PPP2R2B: variants seen among roughly 807,000 people sequenced by gnomAD.
The protein encoded by PPP2R2B is serine/threonine-protein phosphatase 2A 55 kDa regulatory subunit B beta isoform.
A neutral mutation model predicts 46.0 loss-of-function variants in PPP2R2B; 5 were observed. The observed-to-expected ratio is 0.11, with a 90% CI of 0.06 to 0.23. The LOEUF is 0.23. Ranked by LOEUF, PPP2R2B falls within the 10% of genes least tolerant of loss-of-function variation. The pLI, the probability that PPP2R2B is intolerant of heterozygous loss-of-function variation, is 1.00. For synonymous variants in PPP2R2B, 215 were observed against 206.7 expected (o/e 1.04, Z -0.34); for missense variants, 367 against 575.0 (o/e 0.64, Z 3.70).
chr5:146,933,676 G>GT (rs540249303), intron 1 of PPP2R2B, among the ~76,000 whole-genome samples: 49 of 147,564 alleles, frequency 3.3e-4, no homozygotes, highest in South Asian at 1.1e-3. Context: ...TTTTTTTTAA[G>GT]TTTTTTTTTT....
At chr5:146,884,816 C>T (rs1582356802) in intron 1 of PPP2R2B, among the ~76,000 whole-genome samples, 1 of 152,070 alleles carries the variant, frequency 6.6e-6, no homozygotes, top group African/African-American at 2.4e-5. Flanking sequence ...TATACTAGTA[C>T]CTGACTACAT....
rs190857255 is a variant in PPP2R2B at position 146,929,131 on chromosome 5, C to T, written c.79+126534G>A. ...CCTATCCTTCCCATCTGTGTGTCCC[C>T]ACTGCCCGCCTACCTCTCTCTTCTT... On this transcript the variant is annotated intron_variant, in intron 1 of 8. Transcript: ENST00000336640. Among the ~76,000 whole-genome samples, 709 of 152,300 alleles carry T rather than the reference C, an allele frequency of 4.7e-3. 13 individuals are homozygous for T. In the South Asian group the frequency reaches 0.051, roughly 11 times the overall value.
At chr5:146,675,835 T>A (rs1777674830) in intron 5 of PPP2R2B, among the ~76,000 whole-genome samples, 1 of 151,764 alleles carries the variant, frequency 6.6e-6, no homozygotes. Context: ...TCTCTCTCTC[T>A]CTGGCCCACT....
chr5:146,692,217 ATAT>A (rs1243065255), intron 4 of PPP2R2B, among the ~76,000 whole-genome samples: 1 of 152,228 alleles, frequency 6.6e-6, no homozygotes, highest in Non-Finnish European at 1.5e-5. Context: ...TGCATAGTAC[ATAT>A]TTCTAGCAAT....
chr5:146,644,683 C>A (rs1282712869), intron 6 of PPP2R2B, among the ~76,000 whole-genome samples: 1 of 152,144 alleles, frequency 6.6e-6, no homozygotes, highest in Non-Finnish European at 1.5e-5. Context: ...TTGGGAAAGT[C>A]ATTTTATCTC....
At chr5:146,812,942 T>C (rs1351329043) in intron 2 of PPP2R2B, among the ~76,000 whole-genome samples, 3 of 147,326 alleles carry the variant, frequency 2.0e-5, no homozygotes, top group African/African-American at 7.5e-5. Context: ...TGGGTCCCTC[T>C]CACAACAGGA....
chr5:146,996,306 C>T (rs981308263), intron 1 of PPP2R2B, among the ~76,000 whole-genome samples: 2 of 152,106 alleles, frequency 1.3e-5, no homozygotes, highest in Non-Finnish European at 2.9e-5. Flanking sequence ...AAGAGGAAGT[C>T]ATTATGGGGC....
chr5:147,080,471 A>T (rs1422727326), intron 2 of PPP2R2B, among the ~76,000 whole-genome samples: 1 of 152,164 alleles, frequency 6.6e-6, no homozygotes, highest in Non-Finnish European at 1.5e-5. Context: ...AGAGTCATGG[A>T]GGTCTCCAAG....
intron 4 of PPP2R2B, among the ~76,000 whole-genome samples, chr5:146,695,816 T>C (rs1343980399): frequency 1.3e-5 from 2 of 152,174 alleles, no homozygotes; most frequent in Non-Finnish European, 2.9e-5. Context: ...TCCAATTGTC[T>C]TCCATTAACT....
chr5:146,809,000 C>CGT (rs1757367517), intron 2 of PPP2R2B, among the ~76,000 whole-genome samples: 1 of 145,706 alleles, frequency 6.9e-6, no homozygotes, highest in African/African-American at 2.6e-5. Context: ...TGTGTGCGCG[C>CGT]GCACCCACTT....
At chr5:146,906,542 G>A (rs148697450) in intron 1 of PPP2R2B, among the ~76,000 whole-genome samples, 51 of 152,210 alleles carry the variant, frequency 3.4e-4, no homozygotes, top group Admixed American at 1.0e-3. Context: ...GACTGATCTC[G>A]AACTCCCGAT....
chr5:146,646,634 A>G (rs1003894780), intron 6 of PPP2R2B, among the ~76,000 whole-genome samples: 1 of 152,202 alleles, frequency 6.6e-6, no homozygotes, highest in African/African-American at 2.4e-5. Flanking sequence ...TTTAGTAACT[A>G]GGGGGCAGCA....
chr5:146,946,206 T>C (rs1273393052), intron 1 of PPP2R2B, among the ~76,000 whole-genome samples: 3 of 152,076 alleles, frequency 2.0e-5, no homozygotes, highest in Non-Finnish European at 4.4e-5. Flanking sequence ...CAACTACCCC[T>C]GTGCACACTT....
At chr5:147,053,713 A>G (rs1158941092) in intron 1 of PPP2R2B, among the ~76,000 whole-genome samples, 1 of 152,214 alleles carries the variant, frequency 6.6e-6, no homozygotes, top group Admixed American at 6.5e-5. Context: ...TTCAATATCT[A>G]AGAAAACACG....
intron 1 of PPP2R2B, among the ~76,000 whole-genome samples, chr5:146,906,486 C>A (rs994632372): frequency 6.6e-6 from 1 of 152,128 alleles, no homozygotes; most frequent in Non-Finnish European, 1.5e-5. Context: ...CCACGCCCAG[C>A]TAATTTTGCA....
At chr5:146,595,817 T>C (rs1771115847) in intron 8 of PPP2R2B, among the ~76,000 whole-genome samples, 1 of 152,248 alleles carries the variant, frequency 6.6e-6, no homozygotes, top group Non-Finnish European at 1.5e-5. Context: ...ATGTTCTTTC[T>C]TCATGTTCCT....
intron 5 of PPP2R2B, among the ~76,000 whole-genome samples, chr5:146,655,829 G>A (rs1041195245): frequency 6.7e-6 from 1 of 148,252 alleles, no homozygotes; most frequent in Non-Finnish European, 1.5e-5. Flanking sequence ...GGATCCCAAG[G>A]CAGACCTCAG....
intron 2 of PPP2R2B, among the ~76,000 whole-genome samples, chr5:146,708,172 A>G (rs1162598252): frequency 6.6e-6 from 1 of 152,018 alleles, no homozygotes; most frequent in East Asian, 1.9e-4. Flanking sequence ...GCTGGGCAGC[A>G]TGGTGAAACA....
At chr5:146,929,695 A>G (rs1763903570) in intron 1 of PPP2R2B, among the ~76,000 whole-genome samples, 1 of 152,176 alleles carries the variant, frequency 6.6e-6, no homozygotes, top group Admixed American at 6.5e-5. Flanking sequence ...ACTTCAAAAA[A>G]AAGATCTCTA....
Sources: allele counts gnomAD v4.1 joint callset (sites outside exome capture counted in the v4.1 genomes callset), GRCh38; gene constraint gnomAD v4.1.1; transcripts MANE v1.5; gene names NCBI Gene and HGNC (gene_info 2026-07-23, HGNC 2026-07-21).